The following SPMIP2 variants were observed in gnomAD, a reference collection of about 807,000 sequenced individuals.
SPMIP2 encodes the protein protein SPMIP2.
At chr4:158,974,546 G>A in the SPMIP2 span, among the ~76,000 whole-genome samples, 117 of 152,070 alleles carry the variant, frequency 7.7e-4, no homozygotes, top group African/African-American at 2.7e-3. Context: ...TTATGAGGGA[G>A]GACATGCAGT....
At chr4:158,973,301 G>A in the SPMIP2 span, 1 of 1,608,898 alleles carries the variant, frequency 6.2e-7, no homozygotes, top group East Asian at 2.2e-5. Flanking sequence ...AATCCTTTAT[G>A]TAGTCTGGAC....
chr4:159,071,212 T>C, the SPMIP2 span, among the ~76,000 whole-genome samples: 1 of 152,194 alleles, frequency 6.6e-6, no homozygotes, highest in South Asian at 2.1e-4. Context: ...CTTTTGAGGC[T>C]TGACATTTAA....
At chr4:158,927,844 G>A in the SPMIP2 span, among the ~76,000 whole-genome samples, 4 of 150,102 alleles carry the variant, frequency 2.7e-5, no homozygotes, top group African/African-American at 5.1e-5. Flanking sequence ...CTTAGCACCC[G>A]GGCCAGCAGC....
chr4:158,911,874 A>G, the SPMIP2 span, among the ~76,000 whole-genome samples: 1 of 152,194 alleles, frequency 6.6e-6, no homozygotes, highest in African/African-American at 2.4e-5. Flanking sequence ...CAATGAGAAC[A>G]TTTGCCAGCA....
At chr4:159,058,282 T>G in the SPMIP2 span, among the ~76,000 whole-genome samples, 2 of 151,868 alleles carry the variant, frequency 1.3e-5, no homozygotes, top group African/African-American at 4.8e-5. Flanking sequence ...CAGAAGCAAC[T>G]AGGGTGAAAG....
At chr4:158,968,758 C>G in the SPMIP2 span, among the ~76,000 whole-genome samples, 1 of 152,172 alleles carries the variant, frequency 6.6e-6, no homozygotes. Context: ...TTTACCTTCT[C>G]TAAATAAATT....
At chr4:159,058,759 T>G in the SPMIP2 span, among the ~76,000 whole-genome samples, 1 of 152,184 alleles carries the variant, frequency 6.6e-6, no homozygotes, top group East Asian at 1.9e-4. Context: ...AAAGCATAAT[T>G]ATAATATTGA....
At chr4:158,901,260 G>GT in the SPMIP2 span, among the ~76,000 whole-genome samples, 1 of 151,530 alleles carries the variant, frequency 6.6e-6, no homozygotes, top group East Asian at 1.9e-4. Flanking sequence ...AGCGTCCAGA[G>GT]TAGCTGGGAT....
the SPMIP2 span, among the ~76,000 whole-genome samples, chr4:158,943,858 CTTT>C: frequency 2.0e-5 from 2 of 101,908 alleles, no homozygotes; most frequent in African/African-American, 3.9e-5. Flanking sequence ...TTGACATTTT[CTTT>C]TTTTTTTTTT....
chr4:159,069,522 C>A, the SPMIP2 span, among the ~76,000 whole-genome samples: 3 of 151,354 alleles, frequency 2.0e-5, no homozygotes, highest in Non-Finnish European at 4.4e-5. Flanking sequence ...CAGCCTCAAC[C>A]TCCCCAGGCT....
chr4:159,042,378 G>A, the SPMIP2 span, among the ~76,000 whole-genome samples: 1 of 152,144 alleles, frequency 6.6e-6, no homozygotes, highest in East Asian at 1.9e-4. Context: ...TCTCTACATT[G>A]GCCGTTGGCC....
chr4:158,959,575 C>A, the SPMIP2 span, among the ~76,000 whole-genome samples: 2 of 152,128 alleles, frequency 1.3e-5, no homozygotes, highest in Admixed American at 1.3e-4. Context: ...ATGCTAATAG[C>A]TAAATCCTTC....
chr4:158,952,239 AGAT>A, the SPMIP2 span, among the ~76,000 whole-genome samples: 1 of 152,228 alleles, frequency 6.6e-6, no homozygotes, highest in Non-Finnish European at 1.5e-5. Context: ...ATGAGTAGAA[AGAT>A]GATATGGTTT....
At chr4:158,960,556 T>G in the SPMIP2 span, among the ~76,000 whole-genome samples, 1 of 152,112 alleles carries the variant, frequency 6.6e-6, no homozygotes, top group Non-Finnish European at 1.5e-5. Flanking sequence ...CAAGACCCTA[T>G]GCGCTTTACT....
At chr4:158,984,584 C>T in the SPMIP2 span, among the ~76,000 whole-genome samples, 109 of 151,744 alleles carry the variant, frequency 7.2e-4, no homozygotes, top group African/African-American at 2.2e-3. Flanking sequence ...TTGAAACCAA[C>T]GAGAACAAAG....
chr4:158,970,018 C>G, the SPMIP2 span, among the ~76,000 whole-genome samples: 1 of 152,196 alleles, frequency 6.6e-6, no homozygotes, highest in Non-Finnish European at 1.5e-5. Context: ...AGACATTTCT[C>G]AAAGTGACAC....
At chr4:158,898,958 A>G in the SPMIP2 span, among the ~76,000 whole-genome samples, 1 of 152,226 alleles carries the variant, frequency 6.6e-6, no homozygotes. Context: ...TTGCCCATTC[A>G]GTATGATATT....
At chr4:159,053,918 CAAA>C in the SPMIP2 span, among the ~76,000 whole-genome samples, 52,223 of 139,618 alleles carry the variant, frequency 0.37, 9,452 homozygotes, top group East Asian at 0.65. Context: ...AAACTTGTCT[CAAA>C]AAAAAAAAAA....
the SPMIP2 span, among the ~76,000 whole-genome samples, chr4:158,898,775 T>A: frequency 6.6e-6 from 1 of 152,252 alleles, no homozygotes; most frequent in African/African-American, 2.4e-5. Flanking sequence ...TCATGTCATC[T>A]GCAAACAGAG....
Sources: allele counts gnomAD v4.1 joint callset (sites outside exome capture counted in the v4.1 genomes callset), GRCh38; gene constraint gnomAD v4.1.1; transcripts MANE v1.5; gene names NCBI Gene and HGNC (gene_info 2026-07-23, HGNC 2026-07-21).